The following TNIP1 variants were observed in gnomAD, a reference collection of about 807,000 sequenced individuals.
The protein encoded by TNIP1 is TNFAIP3 interacting protein 1.
TNIP1 carries 22 observed loss-of-function variants against 86.6 expected under a neutral mutation model. That is an observed-to-expected ratio of 0.25 (90% CI 0.18 to 0.36). The LOEUF (loss-of-function observed/expected upper bound fraction) is 0.36. TNIP1 is among the 10% of genes least tolerant of loss of function. The probability of loss-of-function intolerance (pLI) is 1.00; values close to 1 mark genes in which losing one functional copy is unlikely to be tolerated. For missense variants in TNIP1, 709 were observed against 820.6 expected (o/e 0.86, Z 1.66); for synonymous variants, 294 against 313.0 (o/e 0.94, Z 0.64).
Position 151,063,645 on chromosome 5 carries a change from A to G in TNIP1, c.239T>C (p.Leu80Ser). The part of the protein sequence containing the change: ...NELLPPPSPS[L>S]GSFDPLAELT... ...CTCAGCCAGGGGGTCGAAGGAGCCC[A>G]AGGAGGGAGAAGGTGGTGGGAGCAG... The change falls in exon 3 of 18, where the codon TTG becomes TCG. Residue 80 changes from leucine to serine, a missense_variant. Transcript: ENST00000521591. The G allele has an allele frequency of 6.2e-7, 1 of 1,614,060 alleles. No homozygotes were observed. The highest frequency in any genetic ancestry group is 8.5e-7 in the Non-Finnish European group (1 of 1,179,964).
chr5:151,060,295 C>T (rs773664295), intron 5 of TNIP1, 23 bp downstream of exon 5: 9 of 1,613,342 alleles, frequency 5.6e-6, no homozygotes, highest in African/African-American at 1.3e-5. Flanking sequence ...AGGTCAAGCC[C>T]GGGGTCCTGC....
At chr5:151,045,471 T>A (rs62382335) in intron 9 of TNIP1, among the ~76,000 whole-genome samples, 15,402 of 152,220 alleles carry the variant, frequency 0.1, 1,671 homozygotes, top group East Asian at 0.43. Flanking sequence ...AATCCCTTCC[T>A]TCCATGATGG....
At chr5:151,052,680 T>A (rs1760106338) in intron 6 of TNIP1, among the ~76,000 whole-genome samples, 1 of 152,258 alleles carries the variant, frequency 6.6e-6, no homozygotes, top group Non-Finnish European at 1.5e-5. Flanking sequence ...AACTCCGTTA[T>A]CCTTGCTCAC....
At chr5:151,066,426 C>T (rs2113736112) in intron 1 of TNIP1, among the ~76,000 whole-genome samples, 1 of 152,298 alleles carries the variant, frequency 6.6e-6, no homozygotes, top group African/African-American at 2.4e-5. Flanking sequence ...CTCCCAAGGT[C>T]ACCACCCCCA....
intron 12 of TNIP1, chr5:151,037,157 A>G (rs748038216): frequency 5.0e-6 from 2 of 400,850 alleles, no homozygotes; most frequent in Non-Finnish European, 8.3e-6. Flanking sequence ...CATTTTACAG[A>G]TGTGAAAACT....
chr5:151,075,887 C>A (rs1284566571), intron 1 of TNIP1, among the ~76,000 whole-genome samples: 3 of 152,186 alleles, frequency 2.0e-5, no homozygotes, highest in East Asian at 3.9e-4. Flanking sequence ...CAGCATGACT[C>A]CTTGGTGACA....
intron 1 of TNIP1, among the ~76,000 whole-genome samples, chr5:151,079,876 A>G (rs909931891): frequency 2.0e-5 from 3 of 151,944 alleles, no homozygotes; most frequent in African/African-American, 7.3e-5. Context: ...CCCCTCTATC[A>G]CACCCCATTG....
In TNIP1 at chr5:151,062,212, C is replaced by T. The variant is rs764119474; in HGVS notation, c.272G>A (p.Gly91Glu). ...AGATGCTGTGACATTTGAGTCCTTT[C>T]CTGGAGAATCAAGAAAGCACAGATG... is the stretch of plus-strand genomic sequence containing the variant. ...GSFDPLAELT[G>E]KDSNVTASPT... The change falls in exon 4 of 18, where the codon GGA (glycine) becomes GAA (glutamate). Residue 91 changes from glycine to glutamate, a missense_variant and splice_region_variant. Transcript: ENST00000521591. 6.2e-7 allele frequency: 1 copy of T among 1,613,942 alleles called. No homozygotes were observed. The highest frequency in any genetic ancestry group is 1.7e-5 in the Admixed American group (1 of 60,016).
chr5:151,049,112 T>C (rs1759560245), intron 8 of TNIP1, among the ~76,000 whole-genome samples: 1 of 152,202 alleles, frequency 6.6e-6, no homozygotes, highest in African/African-American at 2.4e-5. Context: ...ATTGCATAGG[T>C]GTAGGGTGGG....
chr5:151,041,246 T>C (rs774327259), intron 11 of TNIP1, among the ~76,000 whole-genome samples: 5 of 152,262 alleles, frequency 3.3e-5, no homozygotes, highest in Non-Finnish European at 7.4e-5. Context: ...AATATTTGTA[T>C]TTTTATTAGA....
At chr5:151,031,459 C>T (rs373189088) in intron 17 of TNIP1, among the ~76,000 whole-genome samples, 131 of 152,318 alleles carry the variant, frequency 8.6e-4, no homozygotes, top group African/African-American at 3.0e-3. Context: ...CAATGGCAGT[C>T]GCTAAGGTCC....
At chr5:151,049,548 G>A (rs1207222062) in intron 8 of TNIP1, among the ~76,000 whole-genome samples, 2 of 152,148 alleles carry the variant, frequency 1.3e-5, no homozygotes, top group Admixed American at 6.5e-5. Flanking sequence ...CTGAGCAAAC[G>A]ACTCAACACC....
At chr5:151,060,058 G>A (rs1761346560) in intron 5 of TNIP1, among the ~76,000 whole-genome samples, 1 of 152,180 alleles carries the variant, frequency 6.6e-6, no homozygotes, top group Non-Finnish European at 1.5e-5. Flanking sequence ...CTGGCCCCTG[G>A]CAGAAGGCAA....
intron 15 of TNIP1, chr5:151,034,713 T>C (rs1400306188): frequency 4.9e-6 from 2 of 405,476 alleles, no homozygotes; most frequent in African/African-American, 2.2e-5. Flanking sequence ...AACATGGGCA[T>C]AGAAAGTTGG....
At chr5:151,042,466 G>T in intron 11 of TNIP1, 74 bp downstream of exon 11, 1 of 1,563,988 alleles carries the variant, frequency 6.4e-7, no homozygotes, top group Non-Finnish European at 8.7e-7. Context: ...CCTGCCCCTG[G>T]CTTGTTTGCT....
chr5:151,039,310 T>TA, intron 11 of TNIP1, 85 bp from the exon 12 acceptor site: 1 of 1,466,660 alleles, frequency 6.8e-7, no homozygotes, highest in Non-Finnish European at 9.1e-7. Flanking sequence ...GCCCAGCCCT[T>TA]ACGTTCTCCC....
chr5:151,037,601 T>C (rs1426754886), intron 12 of TNIP1, among the ~76,000 whole-genome samples: 6 of 152,220 alleles, frequency 3.9e-5, no homozygotes, highest in African/African-American at 1.2e-4. Context: ...ATGTTCACAA[T>C]AGATTATATA....
chr5:151,041,244 T>C (rs868637643), intron 11 of TNIP1, among the ~76,000 whole-genome samples: 3 of 152,280 alleles, frequency 2.0e-5, no homozygotes, highest in South Asian at 2.1e-4. Flanking sequence ...TTAATATTTG[T>C]ATTTTTATTA....
chr5:151,042,289 C>T (rs1758523025), intron 11 of TNIP1, among the ~76,000 whole-genome samples: 1 of 152,130 alleles, frequency 6.6e-6, no homozygotes, highest in Non-Finnish European at 1.5e-5. Flanking sequence ...CCATTCCCTA[C>T]AATTTTAATG....
Sources: gnomAD v4.1 joint callset for allele counts (sites outside exome capture counted in the v4.1 genomes callset) on GRCh38, gnomAD v4.1.1 for gene constraint, MANE v1.5 for transcripts, NCBI Gene and HGNC (gene_info 2026-07-23, HGNC 2026-07-21) for gene names.